The following DSCAML1 variants were observed in gnomAD, a reference collection of about 807,000 sequenced individuals.
The protein encoded by DSCAML1 is DS cell adhesion molecule like 1, also known as cell adhesion molecule DSCAML1.
DSCAML1 carries 38 observed loss-of-function variants against 200.5 expected under a neutral mutation model. That is an observed-to-expected ratio of 0.19 (90% CI 0.15 to 0.25). The LOEUF (loss-of-function observed/expected upper bound fraction) is 0.25, where lower values mean the gene tolerates loss of function less well. DSCAML1 is among the 10% of genes least tolerant of loss of function. The pLI is 1.00. For missense variants in DSCAML1, 2,223 were observed against 2,858.8 expected, an observed-to-expected ratio of 0.78 and a Z score of 5.07; for synonymous variants, 1,215 against 1,165.0, an observed-to-expected ratio of 1.04 and a Z score of -0.87.
chr11:117,472,728 T>C (rs985400762), intron 14 of DSCAML1, among the ~76,000 whole-genome samples: 2 of 152,110 alleles, frequency 1.3e-5, no homozygotes, highest in Non-Finnish European at 2.9e-5. Context: ...TTTAGCAAAA[T>C]TGTAGGAGGT....
chr11:117,575,669 T>TA (rs980717016), intron 3 of DSCAML1, among the ~76,000 whole-genome samples: 16 of 151,678 alleles, frequency 1.1e-4, no homozygotes, highest in East Asian at 5.8e-4. Flanking sequence ...TTGAGAACAA[T>TA]AAAAAAAACC....
chr11:117,780,584 G>A lies in DSCAML1; in HGVS notation c.273C>T (p.Ala91=), dbSNP rs145842781. 1.6e-4 allele frequency: 258 copies of A among 1,581,162 alleles called. No individual in the cohort carries two copies. The highest frequency in any genetic ancestry group is 2.1e-4 in the Non-Finnish European group (241 of 1,162,196). The change falls in exon 2 of 33, where the codon GCC becomes GCT. Residue 91 remains alanine, a synonymous_variant. Transcript: ENST00000651296. This position sits in a 1 kb window ranked among gnomAD's most constrained non-coding sequence, Gnocchi z 4.8. ...CATTGTCGTGGATAAAGCTATTGAA[G>A]GCGGAGGGGGAGAAGGGGTAGAGCT... ...TLQLYPFSPS[A]FNSFIHDNDY... is the part of the protein sequence containing the mutation.
intron 3 of DSCAML1, among the ~76,000 whole-genome samples, chr11:117,745,785 T>C (rs1474920493): frequency 6.6e-5 from 10 of 152,208 alleles, no homozygotes; most frequent in Non-Finnish European, 1.3e-4. Context: ...TCCTGGTAGG[T>C]GACTGTAAGC....
intron 3 of DSCAML1, among the ~76,000 whole-genome samples, chr11:117,536,174 T>G (rs2050165926): frequency 6.6e-6 from 1 of 152,214 alleles, no homozygotes; most frequent in South Asian, 2.1e-4. Context: ...GGGGGGCTTG[T>G]GCAACATCAG....
intron 11 of DSCAML1, among the ~76,000 whole-genome samples, chr11:117,496,359 T>G (rs1489419733): frequency 6.6e-6 from 1 of 152,172 alleles, no homozygotes; most frequent in East Asian, 1.9e-4. Context: ...AACAATTTAT[T>G]CTGGCCCCAC....
intron 3 of DSCAML1, among the ~76,000 whole-genome samples, chr11:117,652,829 A>T (rs2052661572): frequency 6.6e-6 from 1 of 152,086 alleles, no homozygotes; most frequent in African/African-American, 2.4e-5. Context: ...CTGGCTTGGC[A>T]TGGTCTTTCA....
chr11:117,636,566 C>G (rs114434288), intron 3 of DSCAML1, among the ~76,000 whole-genome samples: 2 of 152,152 alleles, frequency 1.3e-5, no homozygotes, highest in Non-Finnish European at 2.9e-5. Context: ...CCTCACTCCA[C>G]GAAGGAGAGG....
chr11:117,440,098 G>A (rs1020764730), intron 21 of DSCAML1, among the ~76,000 whole-genome samples, 162 bp from the exon 22 acceptor site: 3 of 152,152 alleles, frequency 2.0e-5, no homozygotes, highest in African/African-American at 7.2e-5. Flanking sequence ...AATATTGGCT[G>A]GGAGACATTG....
chr11:117,626,289 A>C (rs1447440668), intron 3 of DSCAML1, among the ~76,000 whole-genome samples: 1 of 146,608 alleles, frequency 6.8e-6, no homozygotes, highest in African/African-American at 2.5e-5. Context: ...TCCCCTGGGG[A>C]TGCTACACAA....
At chr11:117,595,059 T>TAC (rs374932790) in intron 3 of DSCAML1, among the ~76,000 whole-genome samples, 2,170 of 143,880 alleles carry the variant, frequency 0.015, 28 homozygotes, top group African/African-American at 0.027. Flanking sequence ...GTCTTTCTCT[T>TAC]ACACACACAC....
chr11:117,671,550 T>G (rs1307064551), intron 3 of DSCAML1, among the ~76,000 whole-genome samples: 1 of 152,224 alleles, frequency 6.6e-6, no homozygotes, highest in Non-Finnish European at 1.5e-5. Context: ...CAAAGGATTG[T>G]GTTCCAAATG....
At chr11:117,731,579 GC>G (rs2054219838) in intron 3 of DSCAML1, among the ~76,000 whole-genome samples, 1 of 152,096 alleles carries the variant, frequency 6.6e-6, no homozygotes, top group Non-Finnish European at 1.5e-5. Flanking sequence ...TCCCCAGGTG[GC>G]CCCCTGGATC....
At chr11:117,639,795 G>A (rs2052366800) in intron 3 of DSCAML1, among the ~76,000 whole-genome samples, 1 of 152,074 alleles carries the variant, frequency 6.6e-6, no homozygotes, top group Admixed American at 6.5e-5. Flanking sequence ...AGAGGCCCCG[G>A]GAACTCTGGT....
At chr11:117,743,768 T>C (rs2054466148) in intron 3 of DSCAML1, among the ~76,000 whole-genome samples, 1 of 152,214 alleles carries the variant, frequency 6.6e-6, no homozygotes, top group African/African-American at 2.4e-5. Context: ...AATTAATCCT[T>C]AGCGATTAAC....
chr11:117,527,989 C>T (rs1005252448), intron 4 of DSCAML1, among the ~76,000 whole-genome samples: 2 of 152,176 alleles, frequency 1.3e-5, no homozygotes, highest in Non-Finnish European at 2.9e-5. Flanking sequence ...CCCGAGTTTC[C>T]CCACCTGCCC....
chr11:117,441,325 C>T (rs1049848042), intron 21 of DSCAML1, among the ~76,000 whole-genome samples: 16 of 152,132 alleles, frequency 1.1e-4, no homozygotes, highest in East Asian at 1.9e-4. Context: ...CAGGTGGGTG[C>T]GTGTTCTGGA....
chr11:117,588,882 TTCCCTC>T (rs2051202948), intron 3 of DSCAML1, among the ~76,000 whole-genome samples: 1 of 152,214 alleles, frequency 6.6e-6, no homozygotes, highest in African/African-American at 2.4e-5. Context: ...CCCTTTCCCT[TTCCCTC>T]TGACAAGAAG....
chr11:117,684,264 T>C (rs1026425058), intron 3 of DSCAML1, among the ~76,000 whole-genome samples: 2 of 151,830 alleles, frequency 1.3e-5, no homozygotes, highest in Admixed American at 1.3e-4. Context: ...ATGTTTTGTA[T>C]GGATCTTTCC....
rs563073809 is a variant in DSCAML1, at chr11:117,454,802, T to G, written c.3568+3952A>C. On this transcript the variant is annotated intron_variant, in intron 19 of 32. Transcript: ENST00000651296. The stretch of plus-strand genomic sequence containing the variant: ...TGGGCATGAGCAATCTGGGGTAACT[T>G]AAATTCAATTTCCAGTATTGGGATG... Among the ~76,000 whole-genome samples the G allele has an allele frequency of 1.2e-4, 19 of 152,356 alleles. No individual in the cohort carries two copies. The East Asian group carries it at 3.7e-3, about 29-fold the overall frequency.
Sources: allele counts gnomAD v4.1 joint callset (sites outside exome capture counted in the v4.1 genomes callset), GRCh38; gene constraint gnomAD v4.1.1; non-coding constraint Gnocchi (gnomAD v3.1); transcripts MANE v1.5; gene names NCBI Gene and HGNC (gene_info 2026-07-23, HGNC 2026-07-21).